The following CCDC60 variants were observed in gnomAD, a reference collection of about 807,000 sequenced individuals.
CCDC60 encodes the protein coiled-coil domain-containing protein 60.
A neutral mutation model predicts 63.5 loss-of-function variants in CCDC60; 54 were observed. The ratio of observed to expected loss-of-function variants is 0.85; its 90% CI spans 0.68 to 1.07. The LOEUF is 1.07. Among genes scored for constraint, CCDC60 ranks in the 50% least tolerant of loss-of-function variants. The pLI is 0.00. For missense variants in CCDC60, 651 were observed against 684.3 expected, an observed-to-expected ratio of 0.95 and a Z score of 0.54; for synonymous variants, 206 against 238.8, an observed-to-expected ratio of 0.86 and a Z score of 1.27.
chr12:119,509,559 A>G (rs1158980661), intron 7 of CCDC60, among the ~76,000 whole-genome samples: 1 of 152,128 alleles, frequency 6.6e-6, no homozygotes, highest in African/African-American at 2.4e-5. Flanking sequence ...CACAGTCTTC[A>G]TCACTCCCTA....
At chr12:119,540,414 C>T (rs950314163) in intron 13 of CCDC60, among the ~76,000 whole-genome samples, 200 bp from the exon 14 acceptor site, 8 of 152,190 alleles carry the variant, frequency 5.3e-5, no homozygotes, top group Non-Finnish European at 1.0e-4. Context: ...CATTAGCCTG[C>T]TGAGCCAGGA....
intron 4 of CCDC60, among the ~76,000 whole-genome samples, chr12:119,482,006 A>ATTTATATATATAT (rs1377419532): frequency 1.2e-5 from 1 of 80,044 alleles, no homozygotes; most frequent in African/African-American, 4.6e-5. Flanking sequence ...ATGTATATAT[A>ATTTATATATATAT]GTATATATAT....
At chr12:119,412,646 C>T (rs1225476078) in intron 1 of CCDC60, among the ~76,000 whole-genome samples, 1 of 152,064 alleles carries the variant, frequency 6.6e-6, no homozygotes, top group East Asian at 1.9e-4. Context: ...TGACCTCTGG[C>T]AAGTTATTTA....
chr12:119,353,270 C>A (rs1397225309), intron 1 of CCDC60, among the ~76,000 whole-genome samples: 2 of 152,072 alleles, frequency 1.3e-5, no homozygotes, highest in African/African-American at 4.8e-5. Context: ...ACTTAAAGGA[C>A]CTTAATCCAT....
chr12:119,485,144 C>T (rs1013704714), intron 4 of CCDC60, among the ~76,000 whole-genome samples: 1 of 152,382 alleles, frequency 6.6e-6, no homozygotes, highest in South Asian at 2.1e-4. Flanking sequence ...CCCTCACTCT[C>T]GCCTTTTAAG....
chr12:119,392,112 A>G (rs1489278716), intron 1 of CCDC60, among the ~76,000 whole-genome samples: 1 of 152,170 alleles, frequency 6.6e-6, no homozygotes, highest in East Asian at 1.9e-4. Context: ...TTTATTCTAG[A>G]GAAAGGGGTG....
chr12:119,422,419 G>GT (rs1471843906), intron 1 of CCDC60, among the ~76,000 whole-genome samples: 3 of 152,224 alleles, frequency 2.0e-5, no homozygotes, highest in Non-Finnish European at 4.4e-5. Flanking sequence ...TTGGCTCACA[G>GT]TTTCGCAGGC....
chr12:119,434,904 G>A (rs565158702), intron 2 of CCDC60, among the ~76,000 whole-genome samples: 28 of 152,316 alleles, frequency 1.8e-4, no homozygotes, highest in African/African-American at 6.7e-4. Context: ...AGTGCCACAA[G>A]AACCACAGGA....
intron 2 of CCDC60, among the ~76,000 whole-genome samples, chr12:119,469,247 C>G (rs781500907): frequency 4.6e-5 from 7 of 152,074 alleles, no homozygotes; most frequent in Admixed American, 1.3e-4. Context: ...CACTTTCTTG[C>G]TTTTCAAAAA....
rs1248557895 is a variant in CCDC60, at chr12:119,456,043, G to GA, written c.171-15948dup. ...AGAAAGAAAGAAAGAAAGAAAGAAAGAAAGAAAGAAAGAAAGAAAGCAAGC... is the reference window on the plus strand; with the variant it reads ...AGAAAGAAAGAAAGAAAGAAAGAAAGAAAAGAAAGAAAGAAAGAAAGCAAGC... On this transcript the variant is annotated intron_variant, in intron 2 of 13. Coordinates refer to ENST00000327554, the MANE Select transcript of CCDC60 (RefSeq NM_178499.5). The surrounding 1 kb of genome is among the most constrained non-coding windows in gnomAD (Gnocchi z 4.6). Among the ~76,000 whole-genome samples the GA allele has an allele frequency of 6.8e-6, 1 of 147,396 alleles. No homozygotes were observed. Among genetic ancestry groups the GA allele is most frequent in the Non-Finnish European group, 1.5e-5 (1 of 66,860 alleles).
At chr12:119,360,322 C>T (rs1474771161) in intron 1 of CCDC60, among the ~76,000 whole-genome samples, 35 of 145,732 alleles carry the variant, frequency 2.4e-4, no homozygotes, top group Admixed American at 2.1e-3. Context: ...CCGGACTGGG[C>T]GGCTGGCCAG....
In CCDC60 at chr12:119,444,487, C is replaced by G. The variant is rs559599912; in HGVS notation, c.170+15725C>G. 2.0e-5 allele frequency among the ~76,000 whole-genome samples: 3 copies of G among 152,296 alleles called. No individual in the cohort carries two copies. In the East Asian group the frequency reaches 5.8e-4, roughly 29 times the overall value. On this transcript the variant is annotated intron_variant, in intron 2 of 13. Transcript: ENST00000327554. ...TTCAAGTCTCGCTTCTTTTATTTTT[C>G]CAGTTAGCCATAGGCCATTACGTGA...
At chr12:119,348,983 C>A (rs1955626003) in intron 1 of CCDC60, among the ~76,000 whole-genome samples, 1 of 152,148 alleles carries the variant, frequency 6.6e-6, no homozygotes, top group South Asian at 2.1e-4. Context: ...GCCATGCAAA[C>A]CCCTTATGTG....
chr12:119,481,666 T>C (rs1176026342), intron 4 of CCDC60, among the ~76,000 whole-genome samples: 1 of 152,072 alleles, frequency 6.6e-6, no homozygotes, highest in Non-Finnish European at 1.5e-5. Flanking sequence ...CATCATTTCT[T>C]TAGTGGTGAT....
intron 2 of CCDC60, among the ~76,000 whole-genome samples, chr12:119,464,267 G>A (rs529330132): frequency 8.1e-5 from 11 of 136,498 alleles, no homozygotes; most frequent in Non-Finnish European, 1.2e-4. Context: ...ACATCATCAC[G>A]TAATATTTTG....
At chr12:119,494,186 AC>A (rs1951664999) in intron 5 of CCDC60, among the ~76,000 whole-genome samples, 1 of 152,322 alleles carries the variant, frequency 6.6e-6, no homozygotes, top group African/African-American at 2.4e-5. Context: ...AAATGAGTAG[AC>A]TTTTACAGAG....
chr12:119,435,371 G>T (rs1305810391), intron 2 of CCDC60, among the ~76,000 whole-genome samples: 1 of 152,216 alleles, frequency 6.6e-6, no homozygotes, highest in East Asian at 1.9e-4. Flanking sequence ...CAAGAGATAA[G>T]ATAGCTAGCC....
intron 7 of CCDC60, among the ~76,000 whole-genome samples, chr12:119,515,581 G>A (rs1032669521): frequency 2.0e-5 from 3 of 151,968 alleles, no homozygotes; most frequent in Admixed American, 6.6e-5. Flanking sequence ...CTCCCACCCC[G>A]GCCTCCCAAA....
intron 3 of CCDC60, among the ~76,000 whole-genome samples, chr12:119,472,518 T>C (rs1951084358): frequency 6.6e-6 from 1 of 151,494 alleles, no homozygotes; most frequent in East Asian, 1.9e-4. Context: ...ATACCTTCAG[T>C]GGCAGCCCCA....
Sources: gnomAD v4.1 joint callset for allele counts (sites outside exome capture counted in the v4.1 genomes callset) on GRCh38, gnomAD v4.1.1 for gene constraint, Gnocchi (gnomAD v3.1) non-coding constraint, MANE v1.5 for transcripts, NCBI Gene and HGNC (gene_info 2026-07-23, HGNC 2026-07-21) for gene names.